Variants in GAS2 observed in about 807,000 individuals in gnomAD.
GAS2 encodes the protein growth arrest specific 2.
GAS2 carries 20 observed loss-of-function variants against 37.5 expected under a neutral mutation model. That is an observed-to-expected ratio of 0.53 (90% CI 0.37 to 0.77). GAS2 has a LOEUF of 0.77. Ranked by LOEUF, GAS2 falls within the 30% of genes least tolerant of loss-of-function variation. The probability of loss-of-function intolerance (pLI) is 0.00; values close to 1 mark genes in which losing one functional copy is unlikely to be tolerated. For missense variants in GAS2, 336 were observed against 373.4 expected, an observed-to-expected ratio of 0.90 and a Z score of 0.82; for synonymous variants, 144 against 132.2, an observed-to-expected ratio of 1.09 and a Z score of -0.61.
chr11:22,712,942 G>A lies in GAS2; in HGVS notation c.268-13350G>A, dbSNP rs529304155. Reference sequence around the variant, plus strand: ...AAATACAAAAAAGTAGCCAGGCATGGTGGCTCAAACCTGTGGTCCCAGCTA... The same window carrying A: ...AAATACAAAAAAGTAGCCAGGCATGATGGCTCAAACCTGTGGTCCCAGCTA... On this transcript the variant is annotated intron_variant, in intron 3 of 7. Coordinates refer to ENST00000454584, the MANE Select transcript of GAS2 (RefSeq NM_001143830.3). Among the ~76,000 whole-genome samples the A allele has an allele frequency of 6.6e-5, 10 of 151,944 alleles. No individual in the cohort carries two copies. In the South Asian group the frequency reaches 1.9e-3, roughly 28 times the overall value.
chr11:22,765,017 G>C (rs1854612023), intron 7 of GAS2, among the ~76,000 whole-genome samples: 1 of 152,088 alleles, frequency 6.6e-6, no homozygotes, highest in South Asian at 2.1e-4. Flanking sequence ...TTTTTCATTG[G>C]CCACAAATCA....
intron 7 of GAS2, among the ~76,000 whole-genome samples, chr11:22,772,290 C>T (rs138758368): frequency 5.5e-4 from 84 of 152,286 alleles, no homozygotes; most frequent in African/African-American, 1.7e-3. Flanking sequence ...TTTCCCCTTT[C>T]ACTATCCAGG....
intron 3 of GAS2, among the ~76,000 whole-genome samples, chr11:22,718,805 A>G (rs59678311): frequency 0.027 from 4,085 of 152,194 alleles, 178 homozygotes; most frequent in African/African-American, 0.093. Context: ...GTTTTAAGAA[A>G]TTAATCTCAG....
At chr11:22,735,713 C>T (rs1590070439) in intron 4 of GAS2, among the ~76,000 whole-genome samples, 1 of 151,802 alleles carries the variant, frequency 6.6e-6, no homozygotes, top group African/African-American at 2.4e-5. Context: ...AGAATATGTA[C>T]AGTAAGTTGG....
At chr11:22,753,082 T>A (rs1039790207) in intron 6 of GAS2, among the ~76,000 whole-genome samples, 2 of 152,084 alleles carry the variant, frequency 1.3e-5, no homozygotes, top group Non-Finnish European at 2.9e-5. Flanking sequence ...CTCTTCTCCA[T>A]CAACTTCCTC....
chr11:22,734,019 G>A (rs1852618024), intron 4 of GAS2, among the ~76,000 whole-genome samples: 1 of 151,728 alleles, frequency 6.6e-6, no homozygotes, highest in Non-Finnish European at 1.5e-5. Flanking sequence ...GATAAATGAT[G>A]ACATGTGCTT....
chr11:22,757,633 T>C (rs1040903147), intron 7 of GAS2, among the ~76,000 whole-genome samples: 1 of 152,206 alleles, frequency 6.6e-6, no homozygotes, highest in Non-Finnish European at 1.5e-5. Context: ...CGTTAATCAT[T>C]TATTCTCTTG....
intron 2 of GAS2, among the ~76,000 whole-genome samples, chr11:22,680,754 A>C (rs1849643377): frequency 6.6e-6 from 1 of 152,134 alleles, no homozygotes; most frequent in Admixed American, 6.6e-5. Context: ...TACATAGAAA[A>C]AGACAGCGGC....
At chr11:22,710,202 A>AAACG (rs1565101648) in intron 3 of GAS2, among the ~76,000 whole-genome samples, 2 of 151,912 alleles carry the variant, frequency 1.3e-5, no homozygotes, top group African/African-American at 4.8e-5. Flanking sequence ...ACAAACAAAC[A>AAACG]AAAACAACTT....
chr11:22,705,970 C>T (rs957808687), intron 3 of GAS2, among the ~76,000 whole-genome samples: 15 of 151,986 alleles, frequency 9.9e-5, no homozygotes, highest in Admixed American at 3.3e-4. Context: ...AAATTGCACA[C>T]GTGAAAGCCC....
intron 7 of GAS2, among the ~76,000 whole-genome samples, chr11:22,800,454 C>T (rs1232995570): frequency 4.6e-5 from 7 of 151,976 alleles, no homozygotes; most frequent in South Asian, 2.1e-4. Context: ...TTTAAGAAGG[C>T]GGTAGCATGT....
intron 3 of GAS2, among the ~76,000 whole-genome samples, chr11:22,715,351 C>T (rs1315099355): frequency 6.7e-6 from 1 of 149,314 alleles, no homozygotes; most frequent in Non-Finnish European, 1.5e-5. Flanking sequence ...GTCCCAGCTA[C>T]TCAGAAGGCC....
chr11:22,748,131 A>C (rs1853514014), intron 5 of GAS2, among the ~76,000 whole-genome samples: 2 of 152,100 alleles, frequency 1.3e-5, no homozygotes, highest in East Asian at 1.9e-4. Flanking sequence ...ATTAAAAAAA[A>C]CATGTTTTTA....
intron 1 of GAS2, among the ~76,000 whole-genome samples, chr11:22,659,919 AGGG>A: frequency 8.4e-6 from 1 of 118,866 alleles, no homozygotes; most frequent in South Asian, 3.1e-4. Flanking sequence ...GGAGGAAGGG[AGGG>A]AGGGAGGGAA....
intron 1 of GAS2, among the ~76,000 whole-genome samples, chr11:22,639,509 A>C (rs1858883303): frequency 6.6e-6 from 1 of 152,164 alleles, no homozygotes. Flanking sequence ...TCTTAGTGGT[A>C]TTTACTTGTA....
intron 6 of GAS2, among the ~76,000 whole-genome samples, chr11:22,750,894 A>T (rs181772784): frequency 6.6e-6 from 1 of 152,026 alleles, no homozygotes; most frequent in East Asian, 1.9e-4. Context: ...CAGACCACTA[A>T]AGAGTATCTG....
At position 22,811,972 on chromosome 11, in the gene GAS2, T is replaced by C. The variant is rs1857196495; in HGVS notation, c.898T>C (p.Leu300=). ...AAAGGACATGAATCCAGATAACTAC[T>C]TGGTGGTCTCTGCCAGTTATAAGGC... is the stretch of plus-strand genomic sequence containing the variant. ...TLKDMNPDNY[L]VVSASYKAKK... The change falls in exon 8 of 8, where the codon TTG becomes CTG. Residue 300 remains leucine (L), a synonymous_variant. Coordinates refer to ENST00000454584, the MANE Select transcript of GAS2 (RefSeq NM_001143830.3). The C allele has an allele frequency of 1.9e-6, 3 of 1,614,148 alleles. No homozygotes were observed. The highest frequency in any genetic ancestry group is 4.5e-5 in the East Asian group (2 of 44,884).
chr11:22,634,521 A>G (rs1435942343), intron 1 of GAS2, among the ~76,000 whole-genome samples: 1 of 152,148 alleles, frequency 6.6e-6, no homozygotes, highest in Non-Finnish European at 1.5e-5. Context: ...ACAAATAGAC[A>G]GTTTTGGGAC....
At chr11:22,756,374 C>T (rs752076302) in intron 7 of GAS2, among the ~76,000 whole-genome samples, 1 of 151,954 alleles carries the variant, frequency 6.6e-6, no homozygotes, top group South Asian at 2.1e-4. Flanking sequence ...AAGTAATTTG[C>T]TGCTTTATGG....
Sources: gnomAD v4.1 joint callset for allele counts (sites outside exome capture counted in the v4.1 genomes callset) on GRCh38, gnomAD v4.1.1 for gene constraint, MANE v1.5 for transcripts, NCBI Gene and HGNC (gene_info 2026-07-23, HGNC 2026-07-21) for gene names.